Variants in C11orf58 observed in about 807,000 individuals in gnomAD.
The protein encoded by C11orf58 is chromosome 11 open reading frame 58, also known as small acidic protein.
Under a neutral mutation model 22.7 loss-of-function variants are expected in C11orf58, and 5 were observed. The observed-to-expected ratio is 0.22, with a 90% CI of 0.12 to 0.46. The LOEUF (loss-of-function observed/expected upper bound fraction) is 0.46, where lower values mean the gene tolerates loss of function less well. C11orf58 is among the 20% of genes least tolerant of loss of function. The pLI, the probability that C11orf58 is intolerant of heterozygous loss-of-function variation, is 0.99. For missense variants in C11orf58, 151 were observed against 223.3 expected (o/e 0.68, Z 2.06); for synonymous variants, 71 against 70.7 (o/e 1.00, Z -0.02).
intron 1 of C11orf58, chr11:16,744,380 A>T (rs1848472698): frequency 6.2e-6 from 3 of 480,504 alleles, no homozygotes; most frequent in African/African-American, 2.0e-5. Flanking sequence ...TTTGAGACTC[A>T]GCTCTGGCTG....
intron 1 of C11orf58, 115 bp from the exon 2 acceptor site, chr11:16,744,486 C>T: frequency 1.4e-6 from 1 of 738,210 alleles, no homozygotes. Context: ...AAAATGAACG[C>T]TGTTTATAGT....
chr11:16,741,477 A>G (rs991063230), intron 1 of C11orf58, among the ~76,000 whole-genome samples: 2 of 152,130 alleles, frequency 1.3e-5, no homozygotes, highest in Admixed American at 1.3e-4. Context: ...CTGCTAAGGA[A>G]CTCTCTTAAA....
At chr11:16,753,626 G>C (rs1054481780) in intron 4 of C11orf58, among the ~76,000 whole-genome samples, 3 of 152,258 alleles carry the variant, frequency 2.0e-5, no homozygotes, top group South Asian at 2.1e-4. Context: ...GCCTCCCAAA[G>C]TGCTAGGATT....
In C11orf58 at chr11:16,757,373, T is replaced by C. The variant is rs1187145219; in HGVS notation, c.*2269T>C. Among the ~76,000 whole-genome samples, 1 of 152,206 alleles carries C rather than the reference T, an allele frequency of 6.6e-6. No individual in the cohort carries two copies. The highest frequency in any genetic ancestry group is 2.4e-5 in the African/African-American group (1 of 41,458). ...GAAATAGGAGCAACTTGTTTTAAAATAACTACACTAAAAGACTTTCTTCAT... is the reference window on the plus strand; with the variant it reads ...GAAATAGGAGCAACTTGTTTTAAAACAACTACACTAAAAGACTTTCTTCAT... On this transcript the variant is annotated 3_prime_UTR_variant, in exon 5 of 5. Transcript: ENST00000228136.
In C11orf58 at chr11:16,755,463, G is replaced by C. The variant is rs1848569642; in HGVS notation, c.*359G>C. 6.0e-6 allele frequency: 1 copy of C among 166,512 alleles called. No homozygotes were observed. Among genetic ancestry groups the C allele is most frequent in the Non-Finnish European group, 1.3e-5 (1 of 76,718 alleles). The allele number at this position is 166,512 out of a possible 1,614,324, so 10.3% of individuals were successfully genotyped here. ...CTCTTATAAAAATGTATTTGATACT[G>C]TGATATGTTCACGAAAAGTATTCTT... On this transcript the variant is annotated 3_prime_UTR_variant, in exon 5 of 5. Transcript: ENST00000228136.
Position 16,757,588 on chromosome 11 carries a change from T to G in C11orf58, c.*2484T>G, listed in dbSNP as rs1848591336. On this transcript the variant is annotated 3_prime_UTR_variant, in exon 5 of 5. Coordinates refer to ENST00000228136, the MANE Select transcript of C11orf58 (RefSeq NM_014267.6). The stretch of plus-strand genomic sequence containing the variant: ...AATTGGAAAAAAATTAGACAACTGA[T>G]GTCATGCTGTCTTGGTATCCATACT... 6.6e-6 allele frequency among the ~76,000 whole-genome samples: 1 copy of G among 152,228 alleles called. No homozygotes were observed. Among genetic ancestry groups the G allele is most frequent in the South Asian group, 2.1e-4 (1 of 4,836 alleles).
rs771535291 is a variant in C11orf58 at position 16,738,855 on chromosome 11, G to A, written c.63+14G>A. On this transcript the variant is annotated intron_variant, in intron 1 of 4. Transcript: ENST00000228136. Reference sequence around the variant, plus strand: ...CCAGACGACGATGTAAATAATAATGGCGGAGTGGCTGAGGGTTGAGGCCTA... The same window carrying A: ...CCAGACGACGATGTAAATAATAATGACGGAGTGGCTGAGGGTTGAGGCCTA... The A allele has an allele frequency of 7.4e-6, 12 of 1,613,974 alleles. No homozygotes were observed. Among genetic ancestry groups the A allele is most frequent in the Non-Finnish European group, 8.5e-6 (10 of 1,179,932 alleles).
chr11:16,753,033 T>C (rs994499454), intron 4 of C11orf58, 139 bp downstream of exon 4: 8 of 600,506 alleles, frequency 1.3e-5, no homozygotes, highest in Non-Finnish European at 2.0e-5. Flanking sequence ...TAATTTTGTA[T>C]ATGCCCTACT....
In C11orf58 at chr11:16,741,454, T is replaced by C. The variant is rs966834852; in HGVS notation, c.63+2613T>C. ...ATAGGAAGTGGGAAGAGTGGGGAGG[T>C]AAATTTTAGTAACTGCTAAGGAACT... is the stretch of plus-strand genomic sequence containing the variant. On this transcript the variant is annotated intron_variant, in intron 1 of 4. Transcript: ENST00000228136. Among the ~76,000 whole-genome samples the C allele has an allele frequency of 3.3e-5, 5 of 151,960 alleles. No homozygotes were observed. The East Asian group carries it at 9.7e-4, about 29-fold the overall frequency.
chr11:16,746,192 C>T lies in C11orf58; in HGVS notation c.147+1508C>T, dbSNP rs140457008. Reference sequence around the variant, plus strand: ...ATCTCAAAGGATGAGAAGGAGTTAGCCAGACTACAACAGTAGGTTTGGGGA... The same window carrying T: ...ATCTCAAAGGATGAGAAGGAGTTAGTCAGACTACAACAGTAGGTTTGGGGA... On this transcript the variant is annotated intron_variant, in intron 2 of 4. Transcript: ENST00000228136. 1.8e-3 allele frequency among the ~76,000 whole-genome samples: 280 copies of T among 152,276 alleles called. 1 individual carries two copies. The highest frequency in any genetic ancestry group is 5.0e-3 in the African/African-American group (207 of 41,562).
At position 16,756,245 on chromosome 11, in the gene C11orf58, A is replaced by T. The variant is rs1057366726; in HGVS notation, c.*1141A>T. ...TATTATACATCTACATACTTAAAGG[A>T]TGTATTTGGAGTGTTGGATTTTTTT... On this transcript the variant is annotated 3_prime_UTR_variant, in exon 5 of 5. Coordinates refer to ENST00000228136, the MANE Select transcript of C11orf58 (RefSeq NM_014267.6). 6.8e-6 allele frequency: 1 copy of T among 146,016 alleles called. No individual in the cohort carries two copies. The highest frequency in any genetic ancestry group is 1.5e-5 in the Non-Finnish European group (1 of 66,602). The allele number at this position is 146,016 out of a possible 1,614,324, so 9.0% of individuals were successfully genotyped here.
At position 16,755,206 on chromosome 11, in the gene C11orf58, A is replaced by G. The variant is rs557655042; in HGVS notation, c.*102A>G. 1.5e-6 allele frequency: 2 copies of G among 1,342,000 alleles called. No individual in the cohort carries two copies. Among genetic ancestry groups the G allele is most frequent in the Admixed American group, 2.3e-5 (1 of 43,246 alleles). 83.1% of individuals were successfully genotyped at this position (1,342,000 alleles called of 1,614,324 possible). ...CAGACCTTTGTATTATAATTTTTAAAAAGGCCCTTTTAAATAATTACAAAG... is the reference window on the plus strand; with the variant it reads ...CAGACCTTTGTATTATAATTTTTAAGAAGGCCCTTTTAAATAATTACAAAG... On this transcript the variant is annotated 3_prime_UTR_variant, in exon 5 of 5. Coordinates refer to ENST00000228136, the MANE Select transcript of C11orf58 (RefSeq NM_014267.6).
At chr11:16,753,937 C>T (rs1033522217) in intron 4 of C11orf58, 13 of 561,212 alleles carry the variant, frequency 2.3e-5, no homozygotes, top group African/African-American at 5.7e-5. Flanking sequence ...TGGGTTCAAG[C>T]GATCTTTCCG....
At chr11:16,741,452 G>A (rs1848447950) in intron 1 of C11orf58, among the ~76,000 whole-genome samples, 1 of 152,174 alleles carries the variant, frequency 6.6e-6, no homozygotes, top group Non-Finnish European at 1.5e-5. Flanking sequence ...AGAGTGGGGA[G>A]GTAAATTTTA....
At chr11:16,745,301 G>A (rs190939171) in intron 2 of C11orf58, among the ~76,000 whole-genome samples, 2 of 152,300 alleles carry the variant, frequency 1.3e-5, no homozygotes, top group African/African-American at 2.4e-5. Context: ...CTTGAGCAAT[G>A]TGGGGGTTAG....
rs1848592964 is a variant in C11orf58 at position 16,757,731 on chromosome 11, T to C, written c.*2627T>C. 6.6e-6 allele frequency among the ~76,000 whole-genome samples: 1 copy of C among 152,244 alleles called. No individual in the cohort carries two copies. Among genetic ancestry groups the C allele is most frequent in the African/African-American group, 2.4e-5 (1 of 41,462 alleles). ...AATACCTGAAATGCACTTTTAAATG[T>C]TTGCCTTATATCCAAGTGTTTACTT... On this transcript the variant is annotated 3_prime_UTR_variant, in exon 5 of 5. Coordinates refer to ENST00000228136, the MANE Select transcript of C11orf58 (RefSeq NM_014267.6).
At chr11:16,741,971 TCA>T (rs1848451891) in intron 1 of C11orf58, among the ~76,000 whole-genome samples, 1 of 152,182 alleles carries the variant, frequency 6.6e-6, no homozygotes, top group South Asian at 2.1e-4. Context: ...CCTGAAACCA[TCA>T]CATCCTCCCT....
intron 3 of C11orf58, chr11:16,751,740 T>G (rs1848535117): frequency 6.6e-6 from 1 of 152,234 alleles, no homozygotes; most frequent in East Asian, 1.9e-4. Context: ...TATCTCAGCC[T>G]TCAAAGAGTT....
rs758669221 is a variant in C11orf58 at position 16,738,831 on chromosome 11, C to T, written c.53C>T (p.Pro18Leu). Residue 18 changes from proline (P) to leucine (L), a missense_variant, in exon 1 of 5, where the codon CCA (proline) becomes CTA (leucine). Pro to Leu is a moderately conservative substitution (Grantham distance 98). This residue lies in a region of C11orf58 where 34 missense variants were observed against 36.5 expected (regional missense o/e 0.93). Coordinates refer to ENST00000228136, the MANE Select transcript of C11orf58 (RefSeq NM_014267.6). ...CATGGGGTGAAGCGTTCAGCCTCCC[C>T]AGACGACGATGTAAATAATAATGGC... ...HPHGVKRSASPDDDLGSSNWE... is the reference protein window; with the variant it reads ...HPHGVKRSASLDDDLGSSNWE... 6.2e-6 allele frequency: 10 copies of T among 1,614,132 alleles called. No homozygotes were observed. The Admixed American group carries it at 6.7e-5, about 11-fold the overall frequency.
Sources: allele counts gnomAD v4.1 joint callset (sites outside exome capture counted in the v4.1 genomes callset), GRCh38; gene constraint gnomAD v4.1.1; regional missense constraint gnomAD v4.1.1; transcripts MANE v1.5; gene names NCBI Gene and HGNC (gene_info 2026-07-23, HGNC 2026-07-21).